FBXO42: variants seen among roughly 807,000 people sequenced by gnomAD.
The protein encoded by FBXO42 is F-box protein 42.
A neutral mutation model predicts 71.7 loss-of-function variants in FBXO42; 12 were observed. The ratio of observed to expected loss-of-function variants is 0.17; its 90% CI spans 0.11 to 0.27. FBXO42 has a LOEUF of 0.27. Among genes scored for constraint, FBXO42 ranks in the 10% least tolerant of loss-of-function variants. The pLI is 1.00. For missense variants in FBXO42, 707 were observed against 911.9 expected, an observed-to-expected ratio of 0.78 and a Z score of 2.89; for synonymous variants, 325 against 327.5, an observed-to-expected ratio of 0.99 and a Z score of 0.08.
intron 4 of FBXO42, among the ~76,000 whole-genome samples, chr1:16,276,351 G>C (rs1470931699): frequency 6.8e-6 from 1 of 146,720 alleles, no homozygotes; most frequent in Non-Finnish European, 1.5e-5. Context: ...CTGCACACCA[G>C]CCCGGGCGAC....
chr1:16,288,446 A>AATAATAAT (rs2082043864), intron 4 of FBXO42, among the ~76,000 whole-genome samples: 8 of 143,870 alleles, frequency 5.6e-5, no homozygotes, highest in African/African-American at 2.2e-4. Flanking sequence ...ATAAAAATAA[A>AATAATAAT]AATAAAAATA....
At chr1:16,352,028 G>A (rs1029072863) in intron 1 of FBXO42, among the ~76,000 whole-genome samples, 1 of 152,196 alleles carries the variant, frequency 6.6e-6, no homozygotes, top group African/African-American at 2.4e-5. Flanking sequence ...AGGAGAGGGG[G>A]TGGGTTCGCT....
At chr1:16,349,365 G>C (rs777026418) in intron 1 of FBXO42, among the ~76,000 whole-genome samples, 1 of 152,266 alleles carries the variant, frequency 6.6e-6, no homozygotes, top group South Asian at 2.1e-4. Flanking sequence ...ACCAAAAGCT[G>C]TCTTAAATTA....
Position 16,352,333 on chromosome 1 carries a change from G to C in FBXO42, c.-96C>G. 1 of 397,958 alleles carries C rather than the reference G, an allele frequency of 2.5e-6. No homozygotes were observed. The highest frequency in any genetic ancestry group is 4.4e-6 in the Non-Finnish European group (1 of 225,610). 24.7% of individuals were successfully genotyped at this position (397,958 alleles called of 1,614,324 possible). A position where few individuals can be genotyped will look rare whatever the true frequency, so the allele number is the denominator to read the frequency against. On this transcript the variant is annotated 5_prime_UTR_variant, in exon 1 of 10. Transcript: ENST00000375592. ...GGGAGCCAGGGACAGGGCCAGAGCA[G>C]AGGCGCTCTGCCTCAGGCCGCGACA...
Position 16,251,005 on chromosome 1 carries a change from C to A in FBXO42, c.1819G>T (p.Ala607Ser), listed in dbSNP as rs1310142204. Residue 607 changes from alanine to serine, a missense_variant, in exon 10 of 10, where the codon GCC (alanine) becomes TCC (serine). Transcript: ENST00000375592. This position sits in a 1 kb window ranked among gnomAD's most constrained non-coding sequence, Gnocchi z 4.5. ...ETVPIPRPGP[A>S]QGDGHSLPPI... ...GGTAAGGAATGTCCATCTCCTTGGG[C>A]AGGCCCTGGGCGAGGGATGGGCACT... The A allele has an allele frequency of 1.2e-6, 2 of 1,614,204 alleles. No individual in the cohort carries two copies. The highest frequency in any genetic ancestry group is 2.2e-5 in the South Asian group (2 of 91,084).
At chr1:16,325,167 G>A (rs1224753708) in intron 1 of FBXO42, among the ~76,000 whole-genome samples, 1 of 152,050 alleles carries the variant, frequency 6.6e-6, no homozygotes, top group Non-Finnish European at 1.5e-5. Flanking sequence ...GAGCCCGAGA[G>A]GTGGAGGCTG....
chr1:16,258,596 A>C (rs2081674457), intron 4 of FBXO42, among the ~76,000 whole-genome samples: 1 of 152,088 alleles, frequency 6.6e-6, no homozygotes, highest in Non-Finnish European at 1.5e-5. Context: ...GGTTCAAGCA[A>C]TCCTGCCGCC....
rs748570490 is a variant in FBXO42 at position 16,250,646 on chromosome 1, AAAAGG to A, written c.*19_*23del. 3.8e-6 allele frequency: 6 copies of A among 1,586,894 alleles called. No homozygotes were observed. The East Asian group carries it at 1.1e-4, about 30-fold the overall frequency. ...GAAAATTCCAAATTAAAAGCCACAG[AAAAGG>A]AAAGGGGTTTAGAACACATTATCTC... On this transcript the variant is annotated 3_prime_UTR_variant, in exon 10 of 10. Transcript: ENST00000375592. This position sits in a 1 kb window ranked among gnomAD's most constrained non-coding sequence, Gnocchi z 4.7.
At chr1:16,307,455 A>G (rs1403494732) in intron 2 of FBXO42, among the ~76,000 whole-genome samples, 1 of 151,946 alleles carries the variant, frequency 6.6e-6, no homozygotes, top group Non-Finnish European at 1.5e-5. Context: ...GATCATGCCT[A>G]TGATCATGCC....
intron 1 of FBXO42, among the ~76,000 whole-genome samples, chr1:16,335,863 T>A (rs2082547594): frequency 2.2e-5 from 3 of 138,456 alleles, no homozygotes; most frequent in Admixed American, 1.4e-4. Flanking sequence ...CGAGACTCCA[T>A]CGCGCCAAAA....
At chr1:16,332,914 A>T (rs2082513426) in intron 1 of FBXO42, among the ~76,000 whole-genome samples, 1 of 152,156 alleles carries the variant, frequency 6.6e-6, no homozygotes, top group Non-Finnish European at 1.5e-5. Context: ...CATGAATTTA[A>T]CAATGAGAAG....
chr1:16,281,230 G>A (rs1480124847), intron 4 of FBXO42, among the ~76,000 whole-genome samples: 2 of 152,182 alleles, frequency 1.3e-5, no homozygotes, highest in African/African-American at 4.8e-5. Context: ...CCAAAGTGCT[G>A]GGATTACAGG....
chr1:16,315,510 G>A, intron 1 of FBXO42, 75 bp from the exon 2 acceptor site: 1 of 1,454,244 alleles, frequency 6.9e-7, no homozygotes, highest in South Asian at 1.4e-5. Flanking sequence ...GTACATCCAA[G>A]CTCTTTGTAA....
chr1:16,312,080 C>T (rs1031973626), intron 2 of FBXO42, among the ~76,000 whole-genome samples: 4 of 152,028 alleles, frequency 2.6e-5, no homozygotes, highest in Non-Finnish European at 2.9e-5. Context: ...TGGAGGAAGC[C>T]GGGCACGGTG....
intron 6 of FBXO42, 100 bp downstream of exon 6, chr1:16,255,611 A>G: frequency 1.1e-6 from 1 of 939,460 alleles, no homozygotes; most frequent in Non-Finnish European, 1.6e-6. Flanking sequence ...CTGGGATTAC[A>G]GGTGTGAATT....
intron 3 of FBXO42, among the ~76,000 whole-genome samples, chr1:16,299,833 T>C (rs2082172896): frequency 6.6e-6 from 1 of 151,858 alleles, no homozygotes; most frequent in Non-Finnish European, 1.5e-5. Context: ...TTGGTAGAGA[T>C]GGAGTTTCAC....
intron 1 of FBXO42, among the ~76,000 whole-genome samples, chr1:16,336,098 C>T (rs1271500324): frequency 1.3e-5 from 2 of 150,528 alleles, no homozygotes; most frequent in South Asian, 2.1e-4. Context: ...CCACCATGCC[C>T]GGCTAATTTT....
intron 4 of FBXO42, among the ~76,000 whole-genome samples, chr1:16,272,419 C>T (rs558920995): frequency 1.0e-3 from 156 of 152,028 alleles, no homozygotes; most frequent in Middle Eastern, 6.8e-3. Flanking sequence ...ACCACCACGC[C>T]CAGCTAATTT....
intron 4 of FBXO42, among the ~76,000 whole-genome samples, chr1:16,276,946 A>T (rs72636601): frequency 0.012 from 1,896 of 152,346 alleles, 10 homozygotes; most frequent in Non-Finnish European, 0.02. Context: ...AAGAAAGAAT[A>T]GAAAAGTCTC....
Sources: gnomAD v4.1 joint callset for allele counts (sites outside exome capture counted in the v4.1 genomes callset) on GRCh38, gnomAD v4.1.1 for gene constraint, Gnocchi (gnomAD v3.1) non-coding constraint, MANE v1.5 for transcripts, NCBI Gene and HGNC (gene_info 2026-07-23, HGNC 2026-07-21) for gene names.